Variants in MLIP observed in about 807,000 individuals in gnomAD.
MLIP encodes the protein muscular LMNA interacting protein.
In MLIP, 79 loss-of-function variants were observed where a neutral mutation model predicts 84.8. That is an observed-to-expected ratio of 0.93 (90% CI 0.78 to 1.12). The LOEUF (loss-of-function observed/expected upper bound fraction) is 1.12. Among genes scored for constraint, MLIP ranks in the 50% most tolerant of loss-of-function variants. MLIP has a pLI of 0.00. For synonymous variants in MLIP, 504 were observed against 463.0 expected, an observed-to-expected ratio of 1.09 and a Z score of -1.14; for missense variants, 1,257 against 1,160.6, an observed-to-expected ratio of 1.08 and a Z score of -1.21.
chr6:54,188,665 T>A (rs1175842398), intron 9 of MLIP, among the ~76,000 whole-genome samples: 3 of 152,150 alleles, frequency 2.0e-5, no homozygotes, highest in African/African-American at 4.8e-5. Flanking sequence ...ACTATATATT[T>A]AATAGAAGAT....
rs569446729 is a variant in MLIP, at chr6:54,031,102, G to A, written c.63+12011G>A. ...AACATGTAAATCAGTGAATATATTTGTGCAGCCCTATTAGCCAAACCCTAG... is the reference window on the plus strand; with the variant it reads ...AACATGTAAATCAGTGAATATATTTATGCAGCCCTATTAGCCAAACCCTAG... On this transcript the variant is annotated intron_variant, in intron 1 of 12. Coordinates refer to the MLIP transcript ENST00000274897. 5.0e-4 allele frequency among the ~76,000 whole-genome samples: 76 copies of A among 152,200 alleles called. 1 individual carries two copies. The highest frequency in any genetic ancestry group is 1.6e-3 in the African/African-American group (67 of 41,526).
chr6:54,076,505 A>G (rs77219339), intron 1 of MLIP, among the ~76,000 whole-genome samples: 2,124 of 152,304 alleles, frequency 0.014, 56 homozygotes, highest in African/African-American at 0.046. Context: ...AGGAAAGTGC[A>G]TGTAGGGCAT....
intron 12 of MLIP, among the ~76,000 whole-genome samples, chr6:54,253,814 C>T (rs1782804065): frequency 6.6e-6 from 1 of 152,080 alleles, no homozygotes; most frequent in African/African-American, 2.4e-5. Flanking sequence ...GTTTATCCAA[C>T]AGTGGTGAGT....
chr6:54,249,746 T>TATATATATAC (rs71724053), intron 12 of MLIP, among the ~76,000 whole-genome samples: 104 of 150,430 alleles, frequency 6.9e-4, no homozygotes, highest in East Asian at 2.9e-3. Flanking sequence ...TATATATATA[T>TATATATATAC]ACACACACAC....
chr6:54,234,056 C>A (rs764835895), intron 12 of MLIP, among the ~76,000 whole-genome samples: 94 of 151,832 alleles, frequency 6.2e-4, no homozygotes, highest in Non-Finnish European at 1.2e-4. Flanking sequence ...TTGTTTTTTT[C>A]TTGTAGATTT....
intron 8 of MLIP, among the ~76,000 whole-genome samples, chr6:54,161,125 G>T (rs901210194): frequency 6.6e-6 from 1 of 151,750 alleles, no homozygotes; most frequent in African/African-American, 2.4e-5. Flanking sequence ...TTGATGTTTA[G>T]AATGTATAAT....
At chr6:54,251,790 TATAATATAAATATATATATTATAACAG>T (rs1173115977) in intron 12 of MLIP, among the ~76,000 whole-genome samples, 4 of 98,078 alleles carry the variant, frequency 4.1e-5, no homozygotes, top group Non-Finnish European at 5.3e-5. Flanking sequence ...ACATATAATA[TATAATATAAATATATATATTATAACAG>T]ATAATATAAA....
intron 11 of MLIP, chr6:54,217,519 T>C (rs1030454846): frequency 1.3e-5 from 13 of 985,238 alleles, no homozygotes; most frequent in Non-Finnish European, 1.6e-5. Flanking sequence ...CACTGCATAT[T>C]TGTCTGCTAA....
At chr6:54,071,008 A>G (rs1241388756) in intron 1 of MLIP, among the ~76,000 whole-genome samples, 2 of 152,282 alleles carry the variant, frequency 1.3e-5, no homozygotes, top group East Asian at 3.9e-4. Flanking sequence ...ATTGAATGCT[A>G]TTCATAGACC....
intron 3 of MLIP, among the ~76,000 whole-genome samples, chr6:54,125,956 G>A (rs879922143): frequency 3.0e-4 from 45 of 151,484 alleles, no homozygotes; most frequent in Non-Finnish European, 4.6e-4. Flanking sequence ...CAAGCATCTA[G>A]TATCTTGTAT....
At chr6:54,227,572 C>A (rs1316332836) in intron 11 of MLIP, among the ~76,000 whole-genome samples, 1 of 152,120 alleles carries the variant, frequency 6.6e-6, no homozygotes, top group African/African-American at 2.4e-5. Flanking sequence ...AAAAAGAAAT[C>A]CTGTGTGCTT....
intron 1 of MLIP, among the ~76,000 whole-genome samples, chr6:54,113,757 C>A (rs1410480152): frequency 6.6e-6 from 1 of 152,064 alleles, no homozygotes; most frequent in Non-Finnish European, 1.5e-5. Flanking sequence ...CATATTATGA[C>A]CCCATCCATT....
chr6:54,216,946 A>G (rs1211077005), intron 11 of MLIP: 5 of 985,302 alleles, frequency 5.1e-6, no homozygotes, highest in Non-Finnish European at 6.0e-6. Context: ...ACTACTGTTC[A>G]TGATTTTATT....
intron 1 of MLIP, among the ~76,000 whole-genome samples, chr6:54,039,476 T>C (rs1764624394): frequency 6.6e-6 from 1 of 151,974 alleles, no homozygotes; most frequent in Non-Finnish European, 1.5e-5. Flanking sequence ...ATCTTTGGCA[T>C]AGTGCAAATG....
intron 5 of MLIP, 141 bp downstream of exon 5, chr6:54,149,268 G>A (rs1297306488): frequency 1.3e-6 from 1 of 752,842 alleles, no homozygotes; most frequent in African/African-American, 1.8e-5. Flanking sequence ...TTAGGATGAT[G>A]TGGTGAAAAC....
chr6:54,222,744 G>A (rs1780300648), intron 11 of MLIP, among the ~76,000 whole-genome samples: 2 of 151,990 alleles, frequency 1.3e-5, no homozygotes, highest in East Asian at 3.8e-4. Context: ...CCAGAAGTGG[G>A]ATCGATGCAT....
At chr6:54,054,039 A>C (rs71558853) in intron 1 of MLIP, among the ~76,000 whole-genome samples, 11,509 of 152,292 alleles carry the variant, frequency 0.076, 573 homozygotes, top group African/African-American at 0.14. Flanking sequence ...GCCACAAGGG[A>C]GAAATGTACC....
chr6:54,189,816 A>C lies in MLIP; in HGVS notation c.2545-54A>C, dbSNP rs574919211. ...AACTTCAAAATACTTAAACACATACATATTTTAATAAATTATGAGTTTCAC... is the reference window on the plus strand; with the variant it reads ...AACTTCAAAATACTTAAACACATACCTATTTTAATAAATTATGAGTTTCAC... On this transcript the variant is annotated intron_variant, in intron 9 of 13. Coordinates refer to ENST00000502396, the MANE Select transcript of MLIP (RefSeq NM_001281747.2). 12 of 1,324,270 alleles carry C rather than the reference A, an allele frequency of 9.1e-6. No homozygotes were observed. The African/African-American group carries it at 1.1e-4, about 13-fold the overall frequency. The allele number at this position is 1,324,270 out of a possible 1,614,324, so 82.0% of individuals were successfully genotyped here.
chr6:54,176,513 A>G (rs1457043143), intron 9 of MLIP, among the ~76,000 whole-genome samples: 1 of 151,828 alleles, frequency 6.6e-6, no homozygotes, highest in Non-Finnish European at 1.5e-5. Flanking sequence ...AGATTTTCCA[A>G]CATATTGGCA....
Sources: allele counts gnomAD v4.1 joint callset (sites outside exome capture counted in the v4.1 genomes callset), GRCh38; gene constraint gnomAD v4.1.1; transcripts MANE v1.5; gene names NCBI Gene and HGNC (gene_info 2026-07-23, HGNC 2026-07-21).